The following CACNA1E variants were observed in gnomAD, a reference collection of about 807,000 sequenced individuals.
CACNA1E encodes calcium voltage-gated channel subunit alpha1 E, also known as voltage-dependent R-type calcium channel subunit alpha-1E.
A neutral mutation model predicts 259.2 loss-of-function variants in CACNA1E; 40 were observed. The ratio of observed to expected loss-of-function variants is 0.15; its 90% CI spans 0.12 to 0.20. The LOEUF is 0.20. Among genes scored for constraint, CACNA1E ranks in the 10% least tolerant of loss-of-function variants. The pLI is 1.00. For missense variants in CACNA1E, 1,874 were observed against 3,040.1 expected (o/e 0.62, Z 9.02); for synonymous variants, 1,104 against 1,138.5 (o/e 0.97, Z 0.61).
At position 181,467,747 on chromosome 1, in the gene CACNA1E, C is replaced by A. The variant is rs145877903; in HGVS notation, c.435-15997C>A. 3.9e-4 allele frequency among the ~76,000 whole-genome samples: 59 copies of A among 152,276 alleles called. 1 individual carries two copies. In the East Asian group the frequency reaches 0.011, roughly 28 times the overall value. On this transcript the variant is annotated intron_variant, in intron 2 of 11. Transcript: ENST00000524607. Reference sequence around the variant, plus strand: ...CAAATGCATTCCACTGGGGTTCCTGCATTCCTGGTCATGATGTTGATGAGT... The same window carrying A: ...CAAATGCATTCCACTGGGGTTCCTGAATTCCTGGTCATGATGTTGATGAGT...
At chr1:181,721,271 T>C (rs543629640) in intron 15 of CACNA1E, among the ~76,000 whole-genome samples, 1 of 152,318 alleles carries the variant, frequency 6.6e-6, no homozygotes, top group Admixed American at 6.5e-5. Context: ...GTTTAAATCA[T>C]GGGGAAAACT....
chr1:181,418,672 T>C (rs1431426729), intron 2 of CACNA1E, among the ~76,000 whole-genome samples: 1 of 152,178 alleles, frequency 6.6e-6, no homozygotes, highest in African/African-American at 2.4e-5. Flanking sequence ...TCATTAAACC[T>C]ACATTTTTTC....
At chr1:181,525,893 T>C (rs1214441644) in intron 3 of CACNA1E, among the ~76,000 whole-genome samples, 1 of 152,192 alleles carries the variant, frequency 6.6e-6, no homozygotes, top group Non-Finnish European at 1.5e-5. Context: ...CTAGGGGAGC[T>C]ATCCTTTTCC....
intron 7 of CACNA1E, among the ~76,000 whole-genome samples, chr1:181,654,874 C>T (rs919807953): frequency 2.6e-5 from 4 of 151,308 alleles, no homozygotes; most frequent in African/African-American, 4.9e-5. Flanking sequence ...GTCCCAGCTA[C>T]GCGAGAGGCT....
intron 44 of CACNA1E, among the ~76,000 whole-genome samples, 180 bp from the exon 45 acceptor site, chr1:181,793,485 C>T (rs753168087): frequency 6.6e-5 from 10 of 152,172 alleles, no homozygotes; most frequent in South Asian, 2.1e-4. Context: ...GCTTCCTGTC[C>T]GGAACATATA....
rs1662535203 is a variant in CACNA1E, at chr1:181,805,024, C to A, written c.*6190C>A. 1 of 151,314 alleles carries A rather than the reference C, an allele frequency of 6.6e-6. No individual in the cohort carries two copies. The highest frequency in any genetic ancestry group is 2.4e-5 in the African/African-American group (1 of 41,184). The allele number at this position is 151,314 out of a possible 1,614,324, so 9.4% of individuals were successfully genotyped here. A position where few individuals can be genotyped will look rare whatever the true frequency, so the allele number is the denominator to read the frequency against. ...CTCCTTCTCTTTGTGCAAACTTAAACCAGTCATAGATTGTCACCCAGACAT... is the reference window on the plus strand; with the variant it reads ...CTCCTTCTCTTTGTGCAAACTTAAAACAGTCATAGATTGTCACCCAGACAT... On this transcript the variant is annotated 3_prime_UTR_variant, in exon 48 of 48. Transcript: ENST00000367573.
chr1:181,596,557 CGTGTGT>C (rs60302499), intron 6 of CACNA1E, among the ~76,000 whole-genome samples: 5,360 of 140,528 alleles, frequency 0.038, 188 homozygotes, highest in African/African-American at 0.095. Context: ...CCACCATGTA[CGTGTGT>C]GTGTGTGTGT....
chr1:181,725,323 A>T (rs909089878), intron 17 of CACNA1E, among the ~76,000 whole-genome samples: 1 of 152,194 alleles, frequency 6.6e-6, no homozygotes, highest in South Asian at 2.1e-4. Flanking sequence ...CACACCTGCC[A>T]TTGGCTGTGT....
intron 3 of CACNA1E, among the ~76,000 whole-genome samples, chr1:181,564,343 A>G (rs1649609492): frequency 6.6e-6 from 1 of 152,228 alleles, no homozygotes; most frequent in African/African-American, 2.4e-5. Flanking sequence ...TGTTCACAGC[A>G]TCTTCATCAG....
At chr1:181,731,027 G>T (rs1191980433) in intron 18 of CACNA1E, 148 bp from the exon 19 acceptor site, 5 of 659,088 alleles carry the variant, frequency 7.6e-6, no homozygotes, top group Non-Finnish European at 1.4e-5. Flanking sequence ...ATCGAATGTG[G>T]GGAGTCTACA....
At chr1:181,337,257 G>T (rs1307653606) in intron 1 of CACNA1E, among the ~76,000 whole-genome samples, 1 of 151,058 alleles carries the variant, frequency 6.6e-6, no homozygotes, top group Non-Finnish European at 1.5e-5. Flanking sequence ...CCAGGTTCAC[G>T]CCATTCTCCT....
intron 6 of CACNA1E, among the ~76,000 whole-genome samples, chr1:181,598,486 A>G (rs887248756): frequency 3.3e-5 from 5 of 152,060 alleles, no homozygotes; most frequent in African/African-American, 1.2e-4. Context: ...GAGGTATGAC[A>G]TTTGTGTGCC....
chr1:181,441,812 T>G (rs2102298537), intron 2 of CACNA1E, among the ~76,000 whole-genome samples: 1 of 152,288 alleles, frequency 6.6e-6, no homozygotes, highest in African/African-American at 2.4e-5. Context: ...CTTTTTAGCC[T>G]GATTCTACAT....
intron 2 of CACNA1E, among the ~76,000 whole-genome samples, chr1:181,451,276 T>A (rs1033715870): frequency 1.3e-5 from 2 of 152,232 alleles, no homozygotes; most frequent in African/African-American, 4.8e-5. Context: ...CTGTTCTGAC[T>A]GGTTAGTGCC....
upstream of CACNA1E, chr1:181,483,467 C>T (rs189902582): frequency 2.9e-3 from 930 of 320,632 alleles, 4 homozygotes; most frequent in Admixed American, 4.5e-3. Context: ...CTGGGCACCC[C>T]CAAGCCCTAC....
intron 6 of CACNA1E, among the ~76,000 whole-genome samples, chr1:181,611,655 T>C (rs1029733309): frequency 4.6e-5 from 7 of 152,132 alleles, no homozygotes; most frequent in African/African-American, 1.7e-4. Flanking sequence ...AATTTGTAGA[T>C]TCAATAGGGG....
At chr1:181,585,261 G>T (rs1651946209) in intron 6 of CACNA1E, among the ~76,000 whole-genome samples, 1 of 152,182 alleles carries the variant, frequency 6.6e-6, no homozygotes, top group Admixed American at 6.5e-5. Flanking sequence ...AGAACACCTT[G>T]CTTGTCAGGC....
At chr1:181,756,813 G>A (rs986468495) in intron 29 of CACNA1E, 112 bp from the exon 30 acceptor site, 2 of 741,196 alleles carry the variant, frequency 2.7e-6, no homozygotes, top group Admixed American at 4.4e-5. Flanking sequence ...AAAATTAATG[G>A]AGGATCTGCA....
intron 6 of CACNA1E, among the ~76,000 whole-genome samples, chr1:181,624,480 C>G (rs1319302719): frequency 1.3e-5 from 2 of 152,134 alleles, no homozygotes; most frequent in Non-Finnish European, 2.9e-5. Context: ...ATGTAATTTT[C>G]TAAATTTTTT....
Sources: gnomAD v4.1 joint callset for allele counts (sites outside exome capture counted in the v4.1 genomes callset) on GRCh38, gnomAD v4.1.1 for gene constraint, MANE v1.5 for transcripts, NCBI Gene and HGNC (gene_info 2026-07-23, HGNC 2026-07-21) for gene names.